Variants in MUC4 observed in about 807,000 individuals in gnomAD.
The protein encoded by MUC4 is mucin-4.
A neutral mutation model predicts 257.9 loss-of-function variants in MUC4; 202 were observed. That is an observed-to-expected ratio of 0.78 (90% CI 0.70 to 0.88). MUC4 has a LOEUF of 0.88. Among genes scored for constraint, MUC4 ranks in the 40% least tolerant of loss-of-function variants. MUC4 has a pLI of 0.00. For missense variants in MUC4, 5,976 were observed against 6,513.7 expected, an observed-to-expected ratio of 0.92 and a Z score of 2.84; for synonymous variants, 2,351 against 2,757.1, an observed-to-expected ratio of 0.85 and a Z score of 4.62.
At chr3:195,791,548 C>A (rs186838358) in intron 1 of MUC4, 51 bp from the exon 2 acceptor site, 1 of 1,175,036 alleles carries the variant, frequency 8.5e-7, no homozygotes. Flanking sequence ...GAATGAACTC[C>A]TATTCACAAT....
chr3:195,783,075 G>T lies in MUC4; in HGVS notation c.8505C>A (p.Val2835=), dbSNP rs1379709185. Residue 2835 remains valine, a synonymous_variant, in exon 2 of 25, where the codon GTC becomes GTA. Coordinates refer to ENST00000463781, the MANE Select transcript of MUC4 (RefSeq NM_018406.7). ...VFTGHATSLP[V]TIPSSASSGH... ...CTGAGGATGCTGAGGAAGGGATGGT[G>T]ACAGGAAGAGAGGTGGCATGACCTG... is the stretch of plus-strand genomic sequence containing the variant. 4 of 749,846 alleles carry T rather than the reference G, an allele frequency of 5.3e-6. 1 individual carries two copies. The highest frequency in any genetic ancestry group is 6.2e-5 in the Admixed American group (2 of 32,222). 46.4% of individuals were successfully genotyped at this position (749,846 alleles called of 1,614,324 possible).
intron 7 of MUC4, among the ~76,000 whole-genome samples, chr3:195,768,052 CT>C (rs968076372): frequency 6.6e-6 from 1 of 152,144 alleles, no homozygotes; most frequent in African/African-American, 2.4e-5. Context: ...CAGCCCCACC[CT>C]GGGTGCCTGC....
At position 195,751,188 on chromosome 3, in the gene MUC4, G is replaced by A. The variant is rs1402774001; in HGVS notation, c.15647+19C>T. On this transcript the variant is annotated intron_variant, in intron 22 of 24. Transcript: ENST00000463781. ...TGAGGAAGAGATCTGGGGGCTTAGG[G>A]GGACACAGTCCCACTTACATTCGTT... 1 of 1,582,044 alleles carries A rather than the reference G, an allele frequency of 6.3e-7. No individual in the cohort carries two copies. Among genetic ancestry groups the A allele is most frequent in the Admixed American group, 1.8e-5 (1 of 56,220 alleles).
In MUC4 at chr3:195,785,129, A is replaced by G; in HGVS notation, c.6451T>C (p.Ser2151Pro). 3.4e-6 allele frequency: 5 copies of G among 1,453,772 alleles called. 1 individual carries two copies. The Admixed American group carries it at 6.5e-5, about 19-fold the overall frequency. 90.1% of individuals were successfully genotyped at this position (1,453,772 alleles called of 1,614,324 possible). A position where few individuals can be genotyped will look rare whatever the true frequency, so the allele number is the denominator to read the frequency against. ...GTGGCGTGACCTGTGGATACTGAGGAAGTTTCGGTGACAGGAAGAGGGGTG... is the reference window on the plus strand; with the variant it reads ...GTGGCGTGACCTGTGGATACTGAGGGAGTTTCGGTGACAGGAAGAGGGGTG... ...DTTPLPVTETSSVSTGHATSL... is the reference protein window; with the variant it reads ...DTTPLPVTETPSVSTGHATSL... The change falls in exon 2 of 25, where the codon TCC becomes CCC. Residue 2151 changes from serine to proline, a missense_variant. Transcript: ENST00000463781.
At position 195,793,511 on chromosome 3, in the gene MUC4, AT is replaced by A. The variant is rs796817840; in HGVS notation, c.83-2015del. Among the ~76,000 whole-genome samples the A allele has an allele frequency of 5.3e-3, 429 of 81,364 alleles. 2 individuals carry two copies. Among genetic ancestry groups the A allele is most frequent in the African/African-American group, 0.022 (381 of 17,430 alleles). The allele number at this position is 81,364 out of a possible 152,430, so 53.4% of individuals were successfully genotyped here. ...AGCAAGATTCTGTCTCAAAAAAAAA[AT>A]AAATAAATAAAATAAAAAAGGAGAG... On this transcript the variant is annotated intron_variant, in intron 1 of 24. Coordinates refer to ENST00000463781, the MANE Select transcript of MUC4 (RefSeq NM_018406.7).
chr3:195,759,808 A>G (rs1312670141), intron 16 of MUC4, among the ~76,000 whole-genome samples: 2 of 151,958 alleles, frequency 1.3e-5, no homozygotes, highest in Non-Finnish European at 2.9e-5. Context: ...AATCTCAGCT[A>G]TTCAGGAGGC....
Position 195,763,466 on chromosome 3 carries a change from A to G in MUC4, c.14220T>C (p.Ala4740=). 1 of 1,489,432 alleles carries G rather than the reference A, an allele frequency of 6.7e-7. No individual in the cohort carries two copies. Among genetic ancestry groups the G allele is most frequent in the Non-Finnish European group, 9.0e-7 (1 of 1,112,620 alleles). The allele number at this position is 1,489,432 out of a possible 1,614,324, so 92.3% of individuals were successfully genotyped here. A position where few individuals can be genotyped will look rare whatever the true frequency, so the allele number is the denominator to read the frequency against. Residue 4740 remains alanine, a synonymous_variant, in exon 12 of 25, where the codon GCT becomes GCC. Coordinates refer to ENST00000463781, the MANE Select transcript of MUC4 (RefSeq NM_018406.7). ...GGCCCAGGCTGCTGGAGCGGTACTG[A>G]GCCGCAAAGGCGATGAAGTTGGTGG... ...AQATNFIAFA[A]QYRSSSLGPV...
In MUC4 at chr3:195,795,522, G is replaced by A. The variant is rs1046105323; in HGVS notation, c.83-4025C>T. ...CAGAGGTGAGATGAGAAGAAAGAAAGGGAAACACTCAGGAGTGAAGAAGTT... is the reference window on the plus strand; with the variant it reads ...CAGAGGTGAGATGAGAAGAAAGAAAAGGAAACACTCAGGAGTGAAGAAGTT... On this transcript the variant is annotated intron_variant, in intron 1 of 24. Coordinates refer to ENST00000463781, the MANE Select transcript of MUC4 (RefSeq NM_018406.7). Among the ~76,000 whole-genome samples, 35 of 152,096 alleles carry A rather than the reference G, an allele frequency of 2.3e-4. 1 individual carries two copies. The highest frequency in any genetic ancestry group is 4.4e-5 in the Non-Finnish European group (3 of 68,018).
chr3:195,757,358 G>C lies in MUC4; in HGVS notation c.14987-30C>G. The C allele has an allele frequency of 6.4e-7, 1 of 1,572,094 alleles. No homozygotes were observed. Among genetic ancestry groups the C allele is most frequent in the African/African-American group, 1.3e-5 (1 of 74,454 alleles). On this transcript the variant is annotated intron_variant, in intron 17 of 24. Transcript: ENST00000463781. This position sits in a 1 kb window ranked among gnomAD's most constrained non-coding sequence, Gnocchi z 4.8. ...CCCGGGGAAGATGAGAATGTTGAGAGCTGGGAGACTCCTCGGCTCTGTGGT... is the reference window on the plus strand; with the variant it reads ...CCCGGGGAAGATGAGAATGTTGAGACCTGGGAGACTCCTCGGCTCTGTGGT...
In MUC4 at chr3:195,778,311, G is replaced by A. The variant is rs148746017; in HGVS notation, c.12935C>T (p.Pro4312Leu). ...RSTAAPIPIL[P>L]ERGVSLFPYG... The stretch of plus-strand genomic sequence containing the variant: ...CACCTGTATGGCCTCACCTCTCTCA[G>A]GCAGGATGGGGATGGGGGCAGCTGT... Residue 4312 changes from proline (P) to leucine (L), a missense_variant, in exon 3 of 25, where the codon CCT becomes CTT. Transcript: ENST00000463781. 212 of 1,610,200 alleles carry A rather than the reference G, an allele frequency of 1.3e-4. No individual in the cohort carries two copies. In the African/African-American group the frequency reaches 2.5e-3, roughly 19 times the overall value.
chr3:195,796,630 G>T (rs1734617269), intron 1 of MUC4, among the ~76,000 whole-genome samples: 1 of 152,044 alleles, frequency 6.6e-6, no homozygotes, highest in Non-Finnish European at 1.5e-5. Context: ...GGCAGAGGTT[G>T]CAGTGAGCGG....
rs1184312067 is a variant in MUC4, at chr3:195,762,839, G to T, written c.14344+16C>A. ...TCCCGGTGCGGGGAGGGGGCGGCCG[G>T]CGCTCCCCAACCTACCTCCGCCGTC... On this transcript the variant is annotated intron_variant, in intron 13 of 24. Transcript: ENST00000463781. 1 of 1,536,610 alleles carries T rather than the reference G, an allele frequency of 6.5e-7. No individual in the cohort carries two copies. The highest frequency in any genetic ancestry group is 2.0e-5 in the Admixed American group (1 of 51,184).
In MUC4 at chr3:195,782,396, G is replaced by A; in HGVS notation, c.9184C>T (p.Pro3062Ser). The A allele has an allele frequency of 7.5e-7, 1 of 1,338,764 alleles. No homozygotes were observed. The highest frequency in any genetic ancestry group is 3.5e-5 in the East Asian group (1 of 28,368). The allele number at this position is 1,338,764 out of a possible 1,614,324, so 82.9% of individuals were successfully genotyped here. A position where few individuals can be genotyped will look rare whatever the true frequency, so the allele number is the denominator to read the frequency against. The change falls in exon 2 of 25, where the codon CCT (proline) becomes TCT (serine). Residue 3062 changes from proline (P) to serine (S), a missense_variant. Transcript: ENST00000463781. ...GHANPLHVTS[P>S]SSASTGHATP... ...GCGTGACCGGTGGATGCTGAGGAAG[G>A]GCTGGTGACATGAAGAGGGTTGGCG...
At chr3:195,765,229 G>T (rs1472483389) in intron 9 of MUC4, 41 bp downstream of exon 9, 2 of 1,592,706 alleles carry the variant, frequency 1.3e-6, no homozygotes, top group South Asian at 2.3e-5. Context: ...GAGCAGAGAG[G>T]GTGGTGGGTG....
chr3:195,781,571 C>T lies in MUC4; in HGVS notation c.10009G>A (p.Ala3337Thr), dbSNP rs537438050. The T allele has an allele frequency of 1.4e-6, 1 of 710,512 alleles. No homozygotes were observed. The allele number at this position is 710,512 out of a possible 1,614,324, so 44.0% of individuals were successfully genotyped here. Reference protein sequence around the residue: ...TPLHVTSPSSASTGDTTPVPV... With the variant: ...TPLHVTSPSSTSTGDTTPVPV... ...ACAGGGGTGGTGTCACCTGTGGATG[C>T]TGAGGAAGGGCTGGTGACATGAAGA... The change falls in exon 2 of 25, where the codon GCA becomes ACA. Residue 3337 changes from alanine (A) to threonine (T), a missense_variant. Coordinates refer to ENST00000463781, the MANE Select transcript of MUC4 (RefSeq NM_018406.7).
Position 195,754,344 on chromosome 3 carries a change from G to C in MUC4, c.15197C>G (p.Thr5066Ser). Reference protein sequence around the residue: ...EVAGCKCDGGTFGRYCEGSED... With the variant: ...EVAGCKCDGGSFGRYCEGSED... ...GGAGCCCTCGCAGTAGCGGCCGAAG[G>C]TGCCCCCGTCACACTTGCAGCCAGC... Residue 5066 changes from threonine (T) to serine (S), a missense_variant, in exon 19 of 25, where the codon ACC becomes AGC. By Grantham distance (58) the Thr-to-Ser change is moderately conservative (BLOSUM62 1). Around this residue, in one of 44 missense-constraint regions of MUC4, gnomAD observed 996 missense variants for 1,137.3 expected, o/e 0.88. Transcript: ENST00000463781. 6.2e-7 allele frequency: 1 copy of C among 1,611,268 alleles called. No homozygotes were observed. Among genetic ancestry groups the C allele is most frequent in the Non-Finnish European group, 8.5e-7 (1 of 1,179,302 alleles).
rs1721187019 is a variant in MUC4, at chr3:195,767,588, C to CACCACCACCATCAT, written c.13530-838_13530-837insATGATGGTGGTGGT. Among the ~76,000 whole-genome samples, 6 of 109,056 alleles carry CACCACCACCATCAT rather than the reference C, an allele frequency of 5.5e-5. 1 individual carries two copies. Among genetic ancestry groups the CACCACCACCATCAT allele is most frequent in the Admixed American group, 1.7e-4 (2 of 11,646 alleles). The allele number at this position is 109,056 out of a possible 152,430, so 71.5% of individuals were successfully genotyped here. A position where few individuals can be genotyped will look rare whatever the true frequency, so the allele number is the denominator to read the frequency against. ...GCCACCACCATCACCACCACCATCA[C>CACCACCACCATCAT]CACCACCACCATCATCACCATTGCC... On this transcript the variant is annotated intron_variant, in intron 7 of 24. Transcript: ENST00000463781.
In MUC4 at chr3:195,785,059, G is replaced by A. The variant is rs1730818237; in HGVS notation, c.6521C>T (p.Ala2174Val). 6.5e-7 allele frequency: 1 copy of A among 1,546,120 alleles called. No homozygotes were observed. Among genetic ancestry groups the A allele is most frequent in the African/African-American group, 1.4e-5 (1 of 72,810 alleles). Residue 2174 changes from alanine (A) to valine (V), a missense_variant, in exon 2 of 25, where the codon GCC becomes GTC. By Grantham distance (64) the Ala-to-Val change is moderately conservative. Coordinates refer to ENST00000463781, the MANE Select transcript of MUC4 (RefSeq NM_018406.7). ...TDTSSASTGH[A>V]TSLPVTDTSS... ...AGTGTCGGTGACAGGAAGAGAGGTG[G>A]CGTGACCTGTGGATGCTGAGGAAGT... is the stretch of plus-strand genomic sequence containing the variant.
At chr3:195,803,406 C>T (rs74488358) in intron 1 of MUC4, among the ~76,000 whole-genome samples, 3,039 of 152,348 alleles carry the variant, frequency 0.02, 37 homozygotes, top group South Asian at 0.035. Flanking sequence ...TCCTACCAGA[C>T]CTTATGAATT....
Sources: gnomAD v4.1 joint callset for allele counts (sites outside exome capture counted in the v4.1 genomes callset) on GRCh38, gnomAD v4.1.1 for gene constraint, gnomAD v4.1.1 regional missense constraint, Gnocchi (gnomAD v3.1) non-coding constraint, MANE v1.5 for transcripts, NCBI Gene and HGNC (gene_info 2026-07-23, HGNC 2026-07-21) for gene names.